Variants in WWOX observed in about 807,000 individuals in gnomAD.
The protein encoded by WWOX is WW domain-containing oxidoreductase.
Under a neutral mutation model 46.2 loss-of-function variants are expected in WWOX, and 69 were observed. The ratio of observed to expected loss-of-function variants is 1.49; its 90% confidence interval spans 1.23 to 1.82. The LOEUF is 1.82. Ranked by LOEUF, WWOX falls within the 40% of genes most tolerant of loss-of-function variation. WWOX has a pLI of 0.00. For missense variants in WWOX, 919 were observed against 542.6 expected (o/e 1.69, Z -6.89); for synonymous variants, 359 against 202.6 (o/e 1.77, Z -6.56).
intron 8 of WWOX, among the ~76,000 whole-genome samples, chr16:78,540,469 G>A (rs1462254011): frequency 2.0e-5 from 3 of 152,122 alleles, no homozygotes; most frequent in Admixed American, 6.5e-5. Context: ...TAGTACTCAG[G>A]AAATCATTGA....
chr16:78,171,665 C>A (rs11859448), intron 5 of WWOX, among the ~76,000 whole-genome samples: 7,934 of 152,092 alleles, frequency 0.052, 335 homozygotes, highest in East Asian at 0.24. Flanking sequence ...TGTAGATTAC[C>A]GGGAAGAGCG....
rs181033501 is a variant in WWOX at position 78,965,247 on chromosome 16, T to C, written c.1057-246361T>C. 2.6e-4 allele frequency among the ~76,000 whole-genome samples: 40 copies of C among 152,336 alleles called. 1 individual carries two copies. In the East Asian group the frequency reaches 5.6e-3, roughly 21 times the overall value. On this transcript the variant is annotated intron_variant, in intron 8 of 8. Transcript: ENST00000566780. ...TAGTAACAATTCCACAGAGATAGTA[T>C]TGATGGTTGAACAAGATGTTTAAAT...
chr16:78,771,305 A>C (rs2050059484), intron 8 of WWOX, among the ~76,000 whole-genome samples: 1 of 152,198 alleles, frequency 6.6e-6, no homozygotes, highest in African/African-American at 2.4e-5. Context: ...GGAAGCTATC[A>C]CAGTGATCCA....
intron 8 of WWOX, among the ~76,000 whole-genome samples, chr16:78,531,870 C>G (rs1015549604): frequency 6.6e-6 from 1 of 152,006 alleles, no homozygotes; most frequent in Non-Finnish European, 1.5e-5. Context: ...AATAAACAAA[C>G]AAATAAATAA....
intron 5 of WWOX, among the ~76,000 whole-genome samples, chr16:78,370,852 T>C (rs1046888139): frequency 1.3e-5 from 2 of 151,672 alleles, no homozygotes; most frequent in African/African-American, 4.9e-5. Context: ...TCTTGTTTGT[T>C]TTTGTTTTCT....
At chr16:78,389,845 G>A (rs927577680) in intron 6 of WWOX, among the ~76,000 whole-genome samples, 5 of 152,158 alleles carry the variant, frequency 3.3e-5, no homozygotes, top group African/African-American at 1.2e-4. Context: ...CTGGCCTTGG[G>A]TTCAAGCGAT....
chr16:78,556,536 T>C (rs1252653104), intron 8 of WWOX, among the ~76,000 whole-genome samples: 4 of 152,078 alleles, frequency 2.6e-5, no homozygotes, highest in Non-Finnish European at 1.5e-5. Flanking sequence ...ATAAAGTATC[T>C]ACAATGGAAA....
At chr16:78,377,102 G>C (rs1470335929) in intron 5 of WWOX, among the ~76,000 whole-genome samples, 2 of 152,190 alleles carry the variant, frequency 1.3e-5, no homozygotes, top group African/African-American at 4.8e-5. Context: ...AAGTTCCAGT[G>C]CTTAACAAGT....
chr16:78,920,499 A>T (rs776957452), intron 8 of WWOX, among the ~76,000 whole-genome samples: 1 of 152,152 alleles, frequency 6.6e-6, no homozygotes, highest in Non-Finnish European at 1.5e-5. Context: ...TGCTGCCTGC[A>T]TCCCCAACCC....
At chr16:78,101,961 TG>T (rs941178449) in intron 1 of WWOX, among the ~76,000 whole-genome samples, 4 of 151,936 alleles carry the variant, frequency 2.6e-5, no homozygotes, top group East Asian at 1.9e-4. Context: ...TGTAGGTAGT[TG>T]GGGGGGTCGT....
intron 5 of WWOX, among the ~76,000 whole-genome samples, chr16:78,319,828 G>A (rs1444774172): frequency 6.6e-6 from 1 of 152,102 alleles, no homozygotes; most frequent in Non-Finnish European, 1.5e-5. Flanking sequence ...TTCAGCCTGT[G>A]AGGAAGCAAA....
intron 8 of WWOX, among the ~76,000 whole-genome samples, chr16:79,195,431 T>C (rs2051220295): frequency 6.6e-6 from 1 of 152,010 alleles, no homozygotes; most frequent in African/African-American, 2.4e-5. Context: ...GCGTGTTGCT[T>C]TGGTAGGGAG....
At position 78,392,281 on chromosome 16, in the gene WWOX, C is replaced by T. The variant is rs76450394; in HGVS notation, c.605+5333C>T. Among the ~76,000 whole-genome samples the T allele has an allele frequency of 4.6e-3, 703 of 152,160 alleles. 10 individuals are homozygous for T. The highest frequency in any genetic ancestry group is 0.034 in the East Asian group (174 of 5,156). On this transcript the variant is annotated intron_variant, in intron 6 of 8. Coordinates refer to ENST00000566780, the MANE Select transcript of WWOX (RefSeq NM_016373.4). ...GGACCGTGATCCCTATTGTGAGCCA[C>T]ACATGCAAGGGATCTAGGCTGCATG... is the stretch of plus-strand genomic sequence containing the variant.
At chr16:78,216,297 T>C (rs1193395927) in intron 5 of WWOX, among the ~76,000 whole-genome samples, 1 of 152,242 alleles carries the variant, frequency 6.6e-6, no homozygotes, top group African/African-American at 2.4e-5. Flanking sequence ...ATCAACACTT[T>C]GAACACTTGC....
In WWOX at chr16:78,927,617, A is replaced by C. The variant is rs115104474; in HGVS notation, c.1057-283991A>C. Among the ~76,000 whole-genome samples the C allele has an allele frequency of 6.8e-3, 1,032 of 152,280 alleles. 11 individuals carry two copies. The highest frequency in any genetic ancestry group is 0.023 in the African/African-American group (975 of 41,564). On this transcript the variant is annotated intron_variant, in intron 8 of 8. Coordinates refer to ENST00000566780, the MANE Select transcript of WWOX (RefSeq NM_016373.4). ...CTATGTAGTTCACATAACTATTTGC[A>C]GTTGTATTTTCCTTTAAATCTAAAT...
At chr16:78,980,081 T>C (rs2046651259) in intron 8 of WWOX, among the ~76,000 whole-genome samples, 1 of 152,194 alleles carries the variant, frequency 6.6e-6, no homozygotes, top group Admixed American at 6.5e-5. Flanking sequence ...TAAGCTGAGA[T>C]TGCACCACTG....
At chr16:79,036,095 C>G (rs1282455944) in intron 8 of WWOX, among the ~76,000 whole-genome samples, 2 of 152,210 alleles carry the variant, frequency 1.3e-5, no homozygotes, top group African/African-American at 2.4e-5. Context: ...CTCTCCATTT[C>G]TCATTCACCA....
intron 8 of WWOX, among the ~76,000 whole-genome samples, chr16:79,019,012 G>T (rs1405287765): frequency 6.6e-6 from 1 of 151,546 alleles, no homozygotes; most frequent in Non-Finnish European, 1.5e-5. Flanking sequence ...ATTTAGCCGG[G>T]CAGGCATGGT....
chr16:78,901,504 G>C (rs575034915), intron 8 of WWOX, among the ~76,000 whole-genome samples: 1 of 151,890 alleles, frequency 6.6e-6, no homozygotes, highest in South Asian at 2.1e-4. Flanking sequence ...TTTTCTTCCT[G>C]TGAGACAGGA....
Sources: gnomAD v4.1 joint callset for allele counts (sites outside exome capture counted in the v4.1 genomes callset) on GRCh38, gnomAD v4.1.1 for gene constraint, MANE v1.5 for transcripts, NCBI Gene and HGNC (gene_info 2026-07-23, HGNC 2026-07-21) for gene names.